ZBTB4: variants seen among roughly 807,000 people sequenced by gnomAD.
ZBTB4 encodes zinc finger and BTB domain-containing protein 4.
A neutral mutation model predicts 59.8 loss-of-function variants in ZBTB4; 14 were observed. That is an observed-to-expected ratio of 0.23 (90% CI 0.15 to 0.37). The LOEUF (loss-of-function observed/expected upper bound fraction) is 0.37. Ranked by LOEUF, ZBTB4 falls within the 10% of genes least tolerant of loss-of-function variation. The pLI is 1.00. For missense variants in ZBTB4, 1,198 were observed against 1,380.8 expected (o/e 0.87, Z 2.10); for synonymous variants, 587 against 575.2 (o/e 1.02, Z -0.29).
upstream of ZBTB4, chr17:7,483,445 C>A (rs199785443): frequency 3.9e-5 from 10 of 257,808 alleles, no homozygotes; most frequent in Non-Finnish European, 6.9e-5. Context: ...TGTGCCCCCC[C>A]CTTGGGGTGG....
In ZBTB4 at chr17:7,462,020, T is replaced by C. The variant is rs1567682868; in HGVS notation, c.2962A>G (p.Thr988Ala). ...TTAGGGGGAATTGGTGGAGGAAGAG[T>C]TGGGGGAGGTGGTGTTGGTGGGGCA... is the stretch of plus-strand genomic sequence containing the variant. ...PPAPPTPPPPTLPPPIPPKGE... is the reference protein window; with the variant it reads ...PPAPPTPPPPALPPPIPPKGE... The change falls in exon 4 of 4, where the codon ACT (threonine) becomes GCT (alanine). Residue 988 changes from threonine (T) to alanine (A), a missense_variant. Thr to Ala is a moderately conservative substitution (Grantham distance 58). This residue lies in a region of ZBTB4 where 211 missense variants were observed against 236.1 expected (regional missense o/e 0.89). Transcript: ENST00000380599. This position sits in a 1 kb window ranked among gnomAD's most constrained non-coding sequence, Gnocchi z 7.5. The C allele has an allele frequency of 9.4e-6, 15 of 1,602,100 alleles. No individual in the cohort carries two copies. The highest frequency in any genetic ancestry group is 1.3e-5 in the Non-Finnish European group (15 of 1,173,804).
intron 1 of ZBTB4, among the ~76,000 whole-genome samples, chr17:7,475,836 C>G (rs1293147831): frequency 1.3e-5 from 2 of 152,176 alleles, no homozygotes; most frequent in Non-Finnish European, 1.5e-5. Flanking sequence ...AGATTCGAAT[C>G]CAGGCCCAGC....
upstream of ZBTB4, chr17:7,483,166 A>G: frequency 1.5e-6 from 2 of 1,351,738 alleles, no homozygotes; most frequent in Non-Finnish European, 2.0e-6. Flanking sequence ...GACTACCTGG[A>G]AGACCTGGGG....
chr17:7,478,145 C>T (rs1567692134), intron 1 of ZBTB4, among the ~76,000 whole-genome samples: 1 of 152,188 alleles, frequency 6.6e-6, no homozygotes, highest in African/African-American at 2.4e-5. Flanking sequence ...TCCCTCCCCA[C>T]ATGTGTTTTC....
chr17:7,465,485 A>G (rs896779823), intron 3 of ZBTB4, among the ~76,000 whole-genome samples: 3 of 151,986 alleles, frequency 2.0e-5, no homozygotes, highest in Non-Finnish European at 4.4e-5. Flanking sequence ...AAAAAAGAAA[A>G]AAAAATTGTT....
intron 1 of ZBTB4, among the ~76,000 whole-genome samples, chr17:7,475,921 T>G (rs1403312394): frequency 2.0e-5 from 3 of 152,180 alleles, no homozygotes; most frequent in Non-Finnish European, 4.4e-5. Context: ...GCCCGCCAGC[T>G]GGTTACATAA....
chr17:7,479,772 C>T (rs2070320465), upstream of ZBTB4: 1 of 152,416 alleles, frequency 6.6e-6, no homozygotes, highest in African/African-American at 2.4e-5. Context: ...ACGGCCTTCC[C>T]CAGGACTGAC....
intron 1 of ZBTB4, among the ~76,000 whole-genome samples, 155 bp from the exon 2 acceptor site, chr17:7,467,482 G>C (rs1257965383): frequency 1.3e-5 from 2 of 152,212 alleles, no homozygotes; most frequent in African/African-American, 2.4e-5. Context: ...CCCCTCCCCG[G>C]AGCCTCTGCC....
At chr17:7,464,958 C>T (rs2070093668) in intron 3 of ZBTB4, among the ~76,000 whole-genome samples, 1 of 150,444 alleles carries the variant, frequency 6.6e-6, no homozygotes, top group Non-Finnish European at 1.5e-5. Context: ...AAATCGAGAC[C>T]ATACTGGCTA....
chr17:7,470,429 C>T (rs1433709453), intron 1 of ZBTB4, among the ~76,000 whole-genome samples: 1 of 151,952 alleles, frequency 6.6e-6, no homozygotes, highest in Non-Finnish European at 1.5e-5. Context: ...CATGGTGGCT[C>T]ATGCCTGTAA....
rs141433326 is a variant in ZBTB4 at position 7,462,450 on chromosome 17, G to A, written c.2532C>T (p.Thr844=). The A allele has an allele frequency of 1.4e-4, 218 of 1,613,822 alleles. 1 individual carries two copies. The South Asian group carries it at 1.6e-3, about 12-fold the overall frequency. The change falls in exon 4 of 4, where the codon ACC becomes ACT. Residue 844 remains threonine (T), a synonymous_variant. Transcript: ENST00000380599. This position sits in a 1 kb window ranked among gnomAD's most constrained non-coding sequence, Gnocchi z 7.5. ...AAATGATAGGGTCCTGGAGTGAGGCGGTCTCGGAAGCTTCCTCAGCAGCAG... is the reference window on the plus strand; with the variant it reads ...AAATGATAGGGTCCTGGAGTGAGGCAGTCTCGGAAGCTTCCTCAGCAGCAG... ...GSTAAEEASE[T]ASLQDPIISG...
chr17:7,468,457 G>A (rs1356384032), intron 1 of ZBTB4, among the ~76,000 whole-genome samples: 9 of 152,162 alleles, frequency 5.9e-5, no homozygotes, highest in East Asian at 1.9e-4. Context: ...AAAGCACCGC[G>A]CAGCCACCTT....
In ZBTB4 at chr17:7,467,284, GC is replaced by G; in HGVS notation, c.-38del. ...GAGAGCACAGCCAACATGGAGTGGGGCGGGGGGTGGCTCAGCGAGTCCCTTC... is the reference window on the plus strand; with the variant it reads ...GAGAGCACAGCCAACATGGAGTGGGGGGGGGGTGGCTCAGCGAGTCCCTTC... On this transcript the variant is annotated 5_prime_UTR_variant, in exon 2 of 4. Coordinates refer to ENST00000380599, the MANE Select transcript of ZBTB4 (RefSeq NM_001128833.2). 1 of 987,214 alleles carries G rather than the reference GC, an allele frequency of 1.0e-6. No individual in the cohort carries two copies. Among genetic ancestry groups the G allele is most frequent in the Non-Finnish European group, 1.2e-6 (1 of 830,450 alleles). The allele number at this position is 987,214 out of a possible 1,614,324, so 61.2% of individuals were successfully genotyped here. A position where few individuals can be genotyped will look rare whatever the true frequency, so the allele number is the denominator to read the frequency against.
chr17:7,464,511 G>A (rs897779473), intron 3 of ZBTB4, among the ~76,000 whole-genome samples: 10 of 151,486 alleles, frequency 6.6e-5, no homozygotes, highest in South Asian at 2.1e-4. Flanking sequence ...GGTGAGCAGG[G>A]GCCTCAGGAT....
rs768972716 is a variant in ZBTB4 at position 7,466,107 on chromosome 17, C to T, written c.695G>A (p.Arg232Gln). 1.2e-5 allele frequency: 19 copies of T among 1,606,238 alleles called. No homozygotes were observed. The highest frequency in any genetic ancestry group is 1.3e-5 in the African/African-American group (1 of 74,922). The change falls in exon 3 of 4, where the codon CGG (arginine) becomes CAG (glutamine). Residue 232 changes from arginine to glutamine, a missense_variant. Arg to Gln is a conservative substitution (Grantham distance 43). This residue lies in a region of ZBTB4 where 204 missense variants were observed against 205.5 expected (regional missense o/e 0.99). Coordinates refer to ENST00000380599, the MANE Select transcript of ZBTB4 (RefSeq NM_001128833.2). The surrounding 1 kb of genome is among the most constrained non-coding windows in gnomAD (Gnocchi z 9.1). ...TCCACACTGGGGGCAGGGGAGGGGC[C>T]GCCGGGGCAGGGAGCACTGCAAGTC... is the stretch of plus-strand genomic sequence containing the variant. ...APDLQCSLPR[R>Q]PLPCPQCGKS...
intron 1 of ZBTB4, among the ~76,000 whole-genome samples, chr17:7,470,718 A>T (rs1164456438): frequency 6.6e-6 from 1 of 152,110 alleles, no homozygotes; most frequent in Non-Finnish European, 1.5e-5. Flanking sequence ...ATAAAATGTC[A>T]GATTATGGCT....
At chr17:7,475,945 G>A (rs944029093) in intron 1 of ZBTB4, among the ~76,000 whole-genome samples, 1 of 152,166 alleles carries the variant, frequency 6.6e-6, no homozygotes, top group Non-Finnish European at 1.5e-5. Context: ...ACCGCACAAG[G>A]TCTCACGTGC....
rs555657293 is a variant in ZBTB4 at position 7,460,136 on chromosome 17, C to G, written c.*1804G>C. 1 of 152,112 alleles carries G rather than the reference C, an allele frequency of 6.6e-6. No individual in the cohort carries two copies. Among genetic ancestry groups the G allele is most frequent in the Non-Finnish European group, 1.5e-5 (1 of 67,930 alleles). The allele number at this position is 152,112 out of a possible 1,614,324, so 9.4% of individuals were successfully genotyped here. A position where few individuals can be genotyped will look rare whatever the true frequency, so the allele number is the denominator to read the frequency against. The stretch of plus-strand genomic sequence containing the variant: ...ATTTTTTTTTTTGTGTGTTTTTCCC[C>G]ATTTGAAACCTTTCCCCCCCTTAAA... On this transcript the variant is annotated 3_prime_UTR_variant, in exon 4 of 4. Coordinates refer to ENST00000380599, the MANE Select transcript of ZBTB4 (RefSeq NM_001128833.2).
chr17:7,484,244 G>C (rs1272661200), upstream of ZBTB4: 1 of 159,810 alleles, frequency 6.3e-6, no homozygotes, highest in African/African-American at 2.4e-5. Flanking sequence ...GTTTACCCAC[G>C]ACTCTGGCTC....
Sources: gnomAD v4.1 joint callset for allele counts (sites outside exome capture counted in the v4.1 genomes callset) on GRCh38, gnomAD v4.1.1 for gene constraint, gnomAD v4.1.1 regional missense constraint, Gnocchi (gnomAD v3.1) non-coding constraint, MANE v1.5 for transcripts, NCBI Gene and HGNC (gene_info 2026-07-23, HGNC 2026-07-21) for gene names.